UNC5B: variants seen among roughly 807,000 people sequenced by gnomAD.
The protein encoded by UNC5B is unc-5 netrin receptor B, also known as netrin receptor UNC5B.
Under a neutral mutation model 103.7 loss-of-function variants are expected in UNC5B, and 56 were observed. That is an observed-to-expected ratio of 0.54 (90% confidence interval 0.44 to 0.67). The LOEUF (loss-of-function observed/expected upper bound fraction) is 0.67. Among genes scored for constraint, UNC5B ranks in the 30% least tolerant of loss-of-function variants. The probability of loss-of-function intolerance (pLI) is 0.00; values close to 1 mark genes in which losing one functional copy is unlikely to be tolerated. For synonymous variants in UNC5B, 577 were observed against 542.0 expected (o/e 1.06, Z -0.90); for missense variants, 1,194 against 1,284.5 (o/e 0.93, Z 1.08).
At chr10:71,278,737 TAG>T (rs1219940576) in intron 1 of UNC5B, among the ~76,000 whole-genome samples, 4 of 152,190 alleles carry the variant, frequency 2.6e-5, no homozygotes, top group African/African-American at 9.6e-5. Flanking sequence ...CCCTCCGCTG[TAG>T]GTGGGGCCTC....
At chr10:71,221,053 G>A (rs1221272815) in intron 1 of UNC5B, among the ~76,000 whole-genome samples, 2 of 152,196 alleles carry the variant, frequency 1.3e-5, no homozygotes, top group African/African-American at 2.4e-5. Flanking sequence ...AGAAACAGAG[G>A]TAGCCGAGGT....
At position 71,293,526 on chromosome 10, in the gene UNC5B, G is replaced by A; in HGVS notation, c.1894G>A (p.Asp632Asn). ...MPHCAEVSAR[D>N]WIFQLKTQAH... ...CCACTGTGCCGAAGTCAGTGCCCGT[G>A]ACTGGATCTTTCAGCTCAAGACCCA... The change falls in exon 12 of 17, where the codon GAC becomes AAC. Residue 632 changes from aspartate to asparagine, a missense_variant. Coordinates refer to ENST00000335350, the MANE Select transcript of UNC5B (RefSeq NM_170744.5). The A allele has an allele frequency of 1.9e-6, 3 of 1,613,940 alleles. No individual in the cohort carries two copies. The highest frequency in any genetic ancestry group is 2.5e-6 in the Non-Finnish European group (3 of 1,180,026).
chr10:71,237,987 A>C lies in UNC5B; in HGVS notation c.79+24923A>C, dbSNP rs535203296. ...ATCAAGGGGCTTCCTGTGTCTTCCC[A>C]CAGAAGGGGACGGGAGACAAGGCAG... On this transcript the variant is annotated intron_variant, in intron 1 of 16. Coordinates refer to ENST00000335350, the MANE Select transcript of UNC5B (RefSeq NM_170744.5). Among the ~76,000 whole-genome samples the C allele has an allele frequency of 3.3e-4, 50 of 152,268 alleles. 2 individuals carry two copies. In the South Asian group the frequency reaches 8.7e-3, roughly 27 times the overall value.
At chr10:71,259,528 A>G (rs777397195) in intron 1 of UNC5B, among the ~76,000 whole-genome samples, 3 of 152,238 alleles carry the variant, frequency 2.0e-5, no homozygotes, top group Non-Finnish European at 2.9e-5. Context: ...ACCGAGGCTC[A>G]GAGAGGCAAA....
intron 1 of UNC5B, among the ~76,000 whole-genome samples, chr10:71,272,903 G>A (rs146623064): frequency 1.3e-5 from 2 of 152,164 alleles, no homozygotes; most frequent in East Asian, 3.9e-4. Context: ...TTGTTTGTTT[G>A]TTTTGAGATG....
chr10:71,225,813 C>T (rs528401135), intron 1 of UNC5B, among the ~76,000 whole-genome samples: 2 of 136,646 alleles, frequency 1.5e-5, no homozygotes, highest in South Asian at 2.3e-4. Flanking sequence ...TGGAAGGGGA[C>T]ATGGGTCTTG....
chr10:71,276,743 A>C (rs1270159809), intron 1 of UNC5B, among the ~76,000 whole-genome samples: 1 of 152,158 alleles, frequency 6.6e-6, no homozygotes, highest in Non-Finnish European at 1.5e-5. Context: ...CTACTCCCTT[A>C]CTGAAGTTGC....
chr10:71,297,883 C>G, intron 15 of UNC5B, 26 bp from the exon 16 acceptor site: 1 of 1,598,956 alleles, frequency 6.3e-7, no homozygotes, highest in Non-Finnish European at 8.5e-7. Context: ...CTGTGCCCCT[C>G]TCACTCTTGG....
intron 1 of UNC5B, among the ~76,000 whole-genome samples, chr10:71,272,653 A>G (rs905522675): frequency 1.3e-5 from 2 of 152,080 alleles, no homozygotes; most frequent in African/African-American, 4.8e-5. Flanking sequence ...CTTGGCTGTT[A>G]ATTTGCTGTG....
At chr10:71,276,683 C>T (rs1008060434) in intron 1 of UNC5B, among the ~76,000 whole-genome samples, 4 of 152,238 alleles carry the variant, frequency 2.6e-5, no homozygotes, top group South Asian at 4.1e-4. Flanking sequence ...GTCCACCCAC[C>T]TCGGCCTCCC....
chr10:71,246,255 G>A (rs1844032556), intron 1 of UNC5B, among the ~76,000 whole-genome samples: 1 of 152,212 alleles, frequency 6.6e-6, no homozygotes, highest in South Asian at 2.1e-4. Context: ...TGTACGCTGG[G>A]AGAGGTATGA....
intron 1 of UNC5B, among the ~76,000 whole-genome samples, chr10:71,269,970 CAAG>C (rs1198067311): frequency 6.6e-6 from 1 of 152,090 alleles, no homozygotes; most frequent in Non-Finnish European, 1.5e-5. Context: ...CGCTCCAAAA[CAAG>C]AGACCAGCAG....
intron 3 of UNC5B, 63 bp from the exon 4 acceptor site, chr10:71,285,263 T>G: frequency 6.7e-7 from 1 of 1,494,268 alleles, no homozygotes; most frequent in Non-Finnish European, 9.1e-7. Context: ...GGCTACAGTG[T>G]AGCACATCAG....
intron 1 of UNC5B, among the ~76,000 whole-genome samples, chr10:71,228,978 A>C (rs1843627104): frequency 6.6e-6 from 1 of 152,170 alleles, no homozygotes; most frequent in African/African-American, 2.4e-5. Context: ...CCACTCCCCA[A>C]GGCAGGGACT....
At chr10:71,278,070 A>G (rs1030594315) in intron 1 of UNC5B, among the ~76,000 whole-genome samples, 4 of 152,210 alleles carry the variant, frequency 2.6e-5, no homozygotes, top group Admixed American at 1.3e-4. Flanking sequence ...TGTTAGCTGT[A>G]TGACCTTGGA....
At chr10:71,278,617 C>T (rs78074095) in intron 1 of UNC5B, among the ~76,000 whole-genome samples, 10,210 of 152,346 alleles carry the variant, frequency 0.067, 436 homozygotes, top group Middle Eastern at 0.12. Flanking sequence ...CCCTTGGCCC[C>T]TCTGACTGTA....
intron 1 of UNC5B, among the ~76,000 whole-genome samples, chr10:71,216,836 C>A (rs762295934): frequency 6.6e-6 from 1 of 152,210 alleles, no homozygotes; most frequent in Non-Finnish European, 1.5e-5. Context: ...TGGATCATTT[C>A]CATTCCAAGT....
chr10:71,245,777 C>T (rs1166985123), intron 1 of UNC5B, among the ~76,000 whole-genome samples: 3 of 152,208 alleles, frequency 2.0e-5, no homozygotes, highest in Non-Finnish European at 4.4e-5. Flanking sequence ...TCTGTAGGCA[C>T]TCTGGGTGCT....
chr10:71,281,563 A>G (rs957709574), intron 2 of UNC5B, among the ~76,000 whole-genome samples: 3 of 152,204 alleles, frequency 2.0e-5, no homozygotes, highest in Non-Finnish European at 4.4e-5. Context: ...GATGGTCTCA[A>G]TCTCCTGACC....
Sources: allele counts gnomAD v4.1 joint callset (sites outside exome capture counted in the v4.1 genomes callset), GRCh38; gene constraint gnomAD v4.1.1; transcripts MANE v1.5; gene names NCBI Gene and HGNC (gene_info 2026-07-23, HGNC 2026-07-21).